The following PXDNL variants were observed in gnomAD, a reference collection of about 807,000 sequenced individuals.
PXDNL encodes probable oxidoreductase PXDNL.
PXDNL carries 145 observed loss-of-function variants against 150.8 expected under a neutral mutation model. The observed-to-expected ratio is 0.96, with a 90% CI of 0.84 to 1.10. The LOEUF is 1.10. PXDNL is among the 50% of genes least tolerant of loss of function. The probability of loss-of-function intolerance (pLI) is 0.00; values close to 1 mark genes in which losing one functional copy is unlikely to be tolerated. For synonymous variants in PXDNL, 757 were observed against 725.7 expected (o/e 1.04, Z -0.69); for missense variants, 2,087 against 1,873.9 (o/e 1.11, Z -2.10).
At chr8:51,442,655 T>A (rs1230083704) in intron 12 of PXDNL, among the ~76,000 whole-genome samples, 1 of 151,970 alleles carries the variant, frequency 6.6e-6, no homozygotes, top group Admixed American at 6.6e-5. Context: ...ATATAAAATA[T>A]GTTAATTAAT....
chr8:51,601,465 T>C (rs1167540986), intron 2 of PXDNL, among the ~76,000 whole-genome samples: 2 of 152,062 alleles, frequency 1.3e-5, no homozygotes, highest in Non-Finnish European at 2.9e-5. Flanking sequence ...CCCTTGGTCA[T>C]TATGTAATGC....
At chr8:51,640,891 C>T (rs898569906) in intron 2 of PXDNL, among the ~76,000 whole-genome samples, 7 of 151,964 alleles carry the variant, frequency 4.6e-5, no homozygotes, top group East Asian at 1.9e-4. Context: ...GAGCCCGCAT[C>T]GCCAAGTCAA....
chr8:51,475,289 T>G, intron 6 of PXDNL, 148 bp from the exon 7 acceptor site: 1 of 732,430 alleles, frequency 1.4e-6, no homozygotes. Flanking sequence ...AAACAGATTT[T>G]AAGAATCACT....
chr8:51,800,571 C>A (rs562841405), intron 1 of PXDNL, among the ~76,000 whole-genome samples: 61 of 152,288 alleles, frequency 4.0e-4, no homozygotes, highest in Middle Eastern at 3.4e-3. Flanking sequence ...TGTGGGAAGT[C>A]AGGGACCCTG....
At chr8:51,706,912 T>C (rs1374452493) in intron 1 of PXDNL, among the ~76,000 whole-genome samples, 1 of 149,036 alleles carries the variant, frequency 6.7e-6, no homozygotes, top group South Asian at 2.2e-4. Context: ...GGTCTCCACA[T>C]AACTGCCCAC....
intron 2 of PXDNL, among the ~76,000 whole-genome samples, chr8:51,636,000 C>G (rs764487199): frequency 1.8e-4 from 28 of 151,978 alleles, no homozygotes; most frequent in Non-Finnish European, 2.9e-4. Context: ...AAACATTATT[C>G]ACCAGGATCA....
chr8:51,350,582 T>C (rs1806319883), intron 19 of PXDNL, among the ~76,000 whole-genome samples: 1 of 152,024 alleles, frequency 6.6e-6, no homozygotes, highest in African/African-American at 2.4e-5. Context: ...CTCGAGCTCC[T>C]GACCTCAGGT....
intron 5 of PXDNL, among the ~76,000 whole-genome samples, chr8:51,495,446 G>T (rs1811022787): frequency 6.6e-6 from 1 of 152,054 alleles, no homozygotes; most frequent in Non-Finnish European, 1.5e-5. Context: ...AGAATTGAAG[G>T]AAATAGAGAC....
chr8:51,416,338 A>G (rs1808799965), intron 14 of PXDNL, among the ~76,000 whole-genome samples: 1 of 152,232 alleles, frequency 6.6e-6, no homozygotes, highest in African/African-American at 2.4e-5. Context: ...TATAAATTTC[A>G]GGAAACCATC....
intron 1 of PXDNL, among the ~76,000 whole-genome samples, chr8:51,709,211 AAAATGTAATTAT>A (rs1278517640): frequency 6.6e-6 from 1 of 152,168 alleles, no homozygotes; most frequent in Non-Finnish European, 1.5e-5. Flanking sequence ...TCAAACTTGC[AAAATGTAATTAT>A]AAATTTTGAA....
intron 3 of PXDNL, among the ~76,000 whole-genome samples, chr8:51,557,624 T>C (rs952767797): frequency 3.9e-5 from 6 of 152,146 alleles, no homozygotes; most frequent in African/African-American, 1.4e-4. Flanking sequence ...TGAAACCTTC[T>C]ATCAAGTGTC....
At chr8:51,649,759 G>C (rs16919838) in intron 2 of PXDNL, among the ~76,000 whole-genome samples, 7,181 of 151,308 alleles carry the variant, frequency 0.047, 215 homozygotes, top group African/African-American at 0.089. Flanking sequence ...ATTGACTTTA[G>C]AAAAATTCTC....
chr8:51,767,727 C>G (rs1242598578), intron 1 of PXDNL, among the ~76,000 whole-genome samples: 2 of 152,024 alleles, frequency 1.3e-5, no homozygotes, highest in South Asian at 2.1e-4. Flanking sequence ...GTTTTAAAAG[C>G]CTGCTACAGG....
At chr8:51,478,716 CT>C (rs1810535384) in intron 6 of PXDNL, among the ~76,000 whole-genome samples, 1 of 152,174 alleles carries the variant, frequency 6.6e-6, no homozygotes, top group South Asian at 2.1e-4. Flanking sequence ...AGTTGAAAAA[CT>C]TTATTGTTGA....
At chr8:51,473,805 G>A (rs559159759) in intron 7 of PXDNL, among the ~76,000 whole-genome samples, 2 of 150,816 alleles carry the variant, frequency 1.3e-5, no homozygotes, top group African/African-American at 2.4e-5. Context: ...AGCAAGGACC[G>A]TACAAAAAGA....
At chr8:51,624,759 T>C (rs1039391734) in intron 2 of PXDNL, among the ~76,000 whole-genome samples, 1 of 150,748 alleles carries the variant, frequency 6.6e-6, no homozygotes, top group Non-Finnish European at 1.5e-5. Flanking sequence ...GAATGTGACA[T>C]AGCCAAGGTC....
chr8:51,375,584 G>T (rs1807276864), intron 17 of PXDNL, among the ~76,000 whole-genome samples: 2 of 152,200 alleles, frequency 1.3e-5, no homozygotes, highest in South Asian at 4.1e-4. Context: ...ACTTGGCGAT[G>T]CAATTGTGTG....
At chr8:51,568,794 C>G (rs892608407) in intron 3 of PXDNL, among the ~76,000 whole-genome samples, 1 of 151,758 alleles carries the variant, frequency 6.6e-6, no homozygotes, top group South Asian at 2.1e-4. Flanking sequence ...ATTTTTCCAT[C>G]CTTTTTCTCT....
In PXDNL at chr8:51,361,298, A is replaced by C. The variant is rs76444676; in HGVS notation, c.3901+10575T>G. ...CTTATGTCTGACCCAGTCAGACAGA[A>C]ACTGATAATAAATGGAAATATTGCA... On this transcript the variant is annotated intron_variant, in intron 19 of 22. Coordinates refer to ENST00000356297, the MANE Select transcript of PXDNL (RefSeq NM_144651.5). 5.2e-3 allele frequency among the ~76,000 whole-genome samples: 794 copies of C among 152,286 alleles called. 6 individuals are homozygous for C. Among genetic ancestry groups the C allele is most frequent in the African/African-American group, 0.018 (754 of 41,568 alleles).
Sources: allele counts gnomAD v4.1 joint callset (sites outside exome capture counted in the v4.1 genomes callset), GRCh38; gene constraint gnomAD v4.1.1; transcripts MANE v1.5; gene names NCBI Gene and HGNC (gene_info 2026-07-23, HGNC 2026-07-21).